ANK2: variants seen among roughly 807,000 people sequenced by gnomAD.
ANK2 encodes the protein ankyrin-2.
In ANK2, 83 loss-of-function variants were observed where a neutral mutation model predicts 360.5. The ratio of observed to expected loss-of-function variants is 0.23; its 90% CI spans 0.19 to 0.28. The LOEUF (loss-of-function observed/expected upper bound fraction) is 0.28, where lower values mean the gene tolerates loss of function less well. Among genes scored for constraint, ANK2 ranks in the 10% least tolerant of loss-of-function variants. The pLI is 1.00. For synonymous variants in ANK2, 1,740 were observed against 1,759.5 expected, an observed-to-expected ratio of 0.99 and a Z score of 0.28; for missense variants, 4,201 against 4,795.7, an observed-to-expected ratio of 0.88 and a Z score of 3.66.
At chr4:113,374,362 G>A (rs1274566670) in intron 45 of ANK2, among the ~76,000 whole-genome samples, 3 of 152,106 alleles carry the variant, frequency 2.0e-5, no homozygotes, top group Non-Finnish European at 4.4e-5. Flanking sequence ...AGATTCTCTA[G>A]AAATCTACTT....
chr4:113,223,902 G>A (rs2099182645), intron 4 of ANK2, among the ~76,000 whole-genome samples: 4 of 152,182 alleles, frequency 2.6e-5, no homozygotes, highest in Admixed American at 2.0e-4. Context: ...CCTTTCTAGG[G>A]CTAGAGGATT....
chr4:113,151,012 T>C, intron 1 of ANK2: 7 of 1,201,824 alleles, frequency 5.8e-6, no homozygotes, highest in Non-Finnish European at 7.6e-6. Flanking sequence ...GTGAAAAAAA[T>C]GAATGAATTA....
At chr4:112,868,552 C>T (rs976502671) in intron 1 of ANK2, among the ~76,000 whole-genome samples, 1 of 152,242 alleles carries the variant, frequency 6.6e-6, no homozygotes, top group Admixed American at 6.5e-5. Context: ...AATGGTCTCA[C>T]TTCTGAATAC....
At chr4:112,922,418 A>G (rs184537709) in intron 2 of ANK2, among the ~76,000 whole-genome samples, 2 of 152,318 alleles carry the variant, frequency 1.3e-5, no homozygotes, top group Admixed American at 1.3e-4. Flanking sequence ...TTTACCAACG[A>G]TGAAATCCTG....
rs1001114036 is a variant in ANK2, at chr4:112,996,751, A to G, written c.21+92237A>G. ...TTTGAGTTACAAACAATCCAATTAC[A>G]CTCTTTATTTTAAAATGTACAATTA... On this transcript the variant is annotated intron_variant, in intron 2 of 30. Transcript: ENST00000503271. 2.0e-5 allele frequency among the ~76,000 whole-genome samples: 3 copies of G among 151,816 alleles called. 1 individual carries two copies. The highest frequency in any genetic ancestry group is 2.0e-4 in the Admixed American group (3 of 15,240).
chr4:113,226,498 C>T lies in ANK2; in HGVS notation c.385-5663C>T, dbSNP rs577009112. On this transcript the variant is annotated intron_variant, in intron 4 of 45. Transcript: ENST00000357077. Reference sequence around the variant, plus strand: ...CTTCGTTCAGATATCATTTCCTTATCTAGTTGAATTATGGGTCTTTCATCT... The same window carrying T: ...CTTCGTTCAGATATCATTTCCTTATTTAGTTGAATTATGGGTCTTTCATCT... Among the ~76,000 whole-genome samples the T allele has an allele frequency of 2.0e-5, 3 of 152,252 alleles. No homozygotes were observed. The South Asian group carries it at 6.2e-4, about 32-fold the overall frequency.
intron 2 of ANK2, among the ~76,000 whole-genome samples, chr4:113,025,563 G>C (rs779168350): frequency 6.6e-6 from 1 of 152,134 alleles, no homozygotes; most frequent in Non-Finnish European, 1.5e-5. Flanking sequence ...TCAATCTCTT[G>C]ACACTTTCTA....
rs144508395 is a variant in ANK2 at position 113,322,716 on chromosome 4, G to A, written c.2900+4096G>A. On this transcript the variant is annotated intron_variant, in intron 26 of 45. Coordinates refer to ENST00000357077, the MANE Select transcript of ANK2 (RefSeq NM_001148.6). ...TTCTTTTCATAAAAACATGTTGAAG[G>A]CAATTTTGTTGTTTACCTAAAATTT... 5.6e-3 allele frequency among the ~76,000 whole-genome samples: 848 copies of A among 152,196 alleles called. 5 individuals carry two copies. Among genetic ancestry groups the A allele is most frequent in the South Asian group, 9.8e-3 (47 of 4,820 alleles).
intron 10 of ANK2, among the ~76,000 whole-genome samples, chr4:113,254,928 G>A (rs1047404104): frequency 6.6e-6 from 1 of 151,958 alleles, no homozygotes; most frequent in Non-Finnish European, 1.5e-5. Flanking sequence ...TTAAAATTTA[G>A]TTTTTTCCTA....
chr4:112,870,129 G>A (rs139399799), intron 1 of ANK2, among the ~76,000 whole-genome samples: 1,806 of 152,058 alleles, frequency 0.012, 33 homozygotes, highest in African/African-American at 0.042. Context: ...TTCCCTAGTA[G>A]CTGGGACTAC....
At chr4:112,973,658 A>T (rs1467705124) in intron 2 of ANK2, among the ~76,000 whole-genome samples, 1 of 152,210 alleles carries the variant, frequency 6.6e-6, no homozygotes, top group Non-Finnish European at 1.5e-5. Context: ...CTTCTGCTGT[A>T]ATTTAGGATA....
intron 1 of ANK2, among the ~76,000 whole-genome samples, chr4:112,857,210 G>GA (rs1044966087): frequency 6.6e-6 from 1 of 151,596 alleles, no homozygotes; most frequent in African/African-American, 2.4e-5. Flanking sequence ...AGTAGGAGGA[G>GA]AAAAAAAAGT....
chr4:113,271,420 A>G (rs950316323), intron 14 of ANK2, among the ~76,000 whole-genome samples: 2 of 152,104 alleles, frequency 1.3e-5, no homozygotes, highest in Non-Finnish European at 2.9e-5. Context: ...AAATGAGCAC[A>G]TATCTGCTAT....
chr4:112,874,326 G>T (rs926080427), intron 1 of ANK2, among the ~76,000 whole-genome samples: 1 of 148,682 alleles, frequency 6.7e-6, no homozygotes, highest in African/African-American at 2.5e-5. Flanking sequence ...CAGGTAATCC[G>T]ATCGCCTCAG....
rs755918619 is a variant in ANK2 at position 113,358,850 on chromosome 4, C to G, written c.10232C>G (p.Thr3411Ser). The G allele has an allele frequency of 1.9e-6, 3 of 1,613,930 alleles. No individual in the cohort carries two copies. The highest frequency in any genetic ancestry group is 1.3e-5 in the African/African-American group (1 of 74,880). ...TKCPVKTRSYTETETESRERA... is the reference protein window; with the variant it reads ...TKCPVKTRSYSETETESRERA... ...TGCCCAGTAAAAACCCGAAGTTACA[C>G]TGAGACAGAAACAGAGAGCAGAGAG... The change falls in exon 38 of 46, where the codon ACT (threonine) becomes AGT (serine). Residue 3411 changes from threonine (T) to serine (S), a missense_variant. This residue lies in a region of ANK2 where 2,642 missense variants were observed against 2,714.5 expected (regional missense o/e 0.97). Coordinates refer to ENST00000357077, the MANE Select transcript of ANK2 (RefSeq NM_001148.6).
intron 2 of ANK2, among the ~76,000 whole-genome samples, chr4:112,975,891 T>A (rs1232141109): frequency 6.6e-6 from 1 of 152,188 alleles, no homozygotes; most frequent in African/African-American, 2.4e-5. Context: ...ATGGGTACGT[T>A]TGGATATGAT....
chr4:113,074,079 TTTTTTTACGTGA>T (rs1419787698), intron 1 of ANK2, among the ~76,000 whole-genome samples: 1 of 152,172 alleles, frequency 6.6e-6, no homozygotes, highest in Non-Finnish European at 1.5e-5. Flanking sequence ...AATTTCAAAA[TTTTTTTACGTGA>T]AGGATTTGCT....
chr4:112,707,933 C>T, the ANK2 span, among the ~76,000 whole-genome samples: 2 of 152,202 alleles, frequency 1.3e-5, no homozygotes, highest in African/African-American at 4.8e-5. Flanking sequence ...CTGGTGTCCT[C>T]TGTTCAGGCT....
intron 2 of ANK2, among the ~76,000 whole-genome samples, chr4:113,178,312 A>C (rs1354327611): frequency 6.6e-6 from 1 of 152,164 alleles, no homozygotes; most frequent in Non-Finnish European, 1.5e-5. Flanking sequence ...TCACACCTGT[A>C]ATCCCAGCAC....
Sources: allele counts gnomAD v4.1 joint callset (sites outside exome capture counted in the v4.1 genomes callset), GRCh38; gene constraint gnomAD v4.1.1; regional missense constraint gnomAD v4.1.1; transcripts MANE v1.5; gene names NCBI Gene and HGNC (gene_info 2026-07-23, HGNC 2026-07-21).